Variants in PGM5 observed in about 807,000 individuals in gnomAD.
The protein encoded by PGM5 is phosphoglucomutase 5.
A neutral mutation model predicts 59.2 loss-of-function variants in PGM5; 23 were observed. The observed-to-expected ratio is 0.39, with a 90% CI of 0.28 to 0.55. The LOEUF (loss-of-function observed/expected upper bound fraction) is 0.55. Ranked by LOEUF, PGM5 falls within the 20% of genes least tolerant of loss-of-function variation. PGM5 has a pLI of 0.66. For synonymous variants in PGM5, 214 were observed against 286.0 expected, an observed-to-expected ratio of 0.75 and a Z score of 2.54; for missense variants, 574 against 748.3, an observed-to-expected ratio of 0.77 and a Z score of 2.72.
At chr9:68,452,601 T>G (rs1385225188) in intron 6 of PGM5, among the ~76,000 whole-genome samples, 2 of 152,178 alleles carry the variant, frequency 1.3e-5, no homozygotes, top group African/African-American at 4.8e-5. Context: ...TCCCATCTCC[T>G]TCCTCTTCCC....
At chr9:68,479,832 G>A (rs907907353) in intron 8 of PGM5, among the ~76,000 whole-genome samples, 16 of 151,424 alleles carry the variant, frequency 1.1e-4, no homozygotes, top group Non-Finnish European at 3.0e-5. Context: ...TACTTGGGAG[G>A]CTGAGGCAGG....
chr9:68,462,484 G>C (rs1191847378), intron 6 of PGM5, among the ~76,000 whole-genome samples: 6 of 152,084 alleles, frequency 3.9e-5, no homozygotes, highest in African/African-American at 1.4e-4. Context: ...TTGTTATTTT[G>C]GCTTGGATAG....
Position 68,522,058 on chromosome 9 carries a change from C to T in PGM5, c.1615-7509C>T, listed in dbSNP as rs1010733914. ...TCACCTGAGGTCTGGAGTTCAAGGC[C>T]GGCCTGGCCCACATGGAGAAATCCT... On this transcript the variant is annotated intron_variant, in intron 10 of 10. Coordinates refer to ENST00000396396, the MANE Select transcript of PGM5 (RefSeq NM_021965.4). Among the ~76,000 whole-genome samples, 20 of 152,246 alleles carry T rather than the reference C, an allele frequency of 1.3e-4. 1 individual carries two copies. In the East Asian group the frequency reaches 2.9e-3, roughly 22 times the overall value.
At chr9:68,507,058 A>G (rs1250714881) in intron 10 of PGM5, among the ~76,000 whole-genome samples, 1 of 152,240 alleles carries the variant, frequency 6.6e-6, no homozygotes, top group African/African-American at 2.4e-5. Flanking sequence ...CTGAGCAAGG[A>G]TATATTAATA....
intron 10 of PGM5, among the ~76,000 whole-genome samples, chr9:68,510,970 A>C (rs1287664844): frequency 5.3e-5 from 8 of 152,220 alleles, no homozygotes; most frequent in African/African-American, 1.9e-4. Flanking sequence ...GAGTTAAGAT[A>C]AAGAAAGTTG....
At chr9:68,396,608 AG>A (rs1355441361) in intron 6 of PGM5, 12 of 152,664 alleles carry the variant, frequency 7.9e-5, no homozygotes, top group Non-Finnish European at 1.8e-4. Flanking sequence ...ACCATTTAAA[AG>A]GATTATTCAT....
At chr9:68,523,313 C>G (rs962677155) in intron 10 of PGM5, among the ~76,000 whole-genome samples, 3 of 152,152 alleles carry the variant, frequency 2.0e-5, no homozygotes, top group Non-Finnish European at 4.4e-5. Flanking sequence ...CCTGGACCAA[C>G]AGCATCCTGG....
rs781885162 is a variant in PGM5 at position 68,429,223 on chromosome 9, G to A, written c.1044-35870G>A. 7 of 152,256 alleles carry A rather than the reference G, an allele frequency of 4.6e-5. No individual in the cohort carries two copies. The East Asian group carries it at 5.8e-4, about 13-fold the overall frequency. The allele number at this position is 152,256 out of a possible 1,614,324, so 9.4% of individuals were successfully genotyped here. The stretch of plus-strand genomic sequence containing the variant: ...ACTTTTCGTATGTATTAGTTACTAC[G>A]ATTACCATAAAAATCTCAAGAAAAT... On this transcript the variant is annotated intron_variant, in intron 6 of 10. Transcript: ENST00000396396.
chr9:68,508,968 T>C (rs570744235), intron 10 of PGM5, among the ~76,000 whole-genome samples: 1 of 152,294 alleles, frequency 6.6e-6, no homozygotes, highest in Admixed American at 6.5e-5. Flanking sequence ...AACCTGGAGG[T>C]TGCCTGTGGC....
intron 6 of PGM5, among the ~76,000 whole-genome samples, chr9:68,411,442 T>C (rs1445224483): frequency 7.0e-6 from 1 of 142,728 alleles, no homozygotes; most frequent in Non-Finnish European, 1.5e-5. Flanking sequence ...TATACACATA[T>C]ATGTAGTGTG....
chr9:68,373,652 T>C (rs1313327283), intron 1 of PGM5, among the ~76,000 whole-genome samples: 3 of 152,202 alleles, frequency 2.0e-5, no homozygotes, highest in Admixed American at 6.5e-5. Flanking sequence ...CTGTCGTTTA[T>C]GTTTCTTTCG....
In PGM5 at chr9:68,357,145, C is replaced by A. The variant is rs1248549293; in HGVS notation, c.18C>A (p.Ile6=). The A allele has an allele frequency of 1.2e-5, 19 of 1,531,182 alleles. No individual in the cohort carries two copies. Among genetic ancestry groups the A allele is most frequent in the Non-Finnish European group, 1.6e-5 (18 of 1,143,668 alleles). The allele number at this position is 1,531,182 out of a possible 1,614,324, so 94.8% of individuals were successfully genotyped here. A position where few individuals can be genotyped will look rare whatever the true frequency, so the allele number is the denominator to read the frequency against. MEGSP[I]PVLTVPTAPY... ...GAGGCGCCATGGAGGGGAGCCCCATCCCGGTGCTGACAGTGCCCACCGCGC... is the reference window on the plus strand; with the variant it reads ...GAGGCGCCATGGAGGGGAGCCCCATACCGGTGCTGACAGTGCCCACCGCGC... Residue 6 remains isoleucine (I), a synonymous_variant, in exon 1 of 11, where the codon ATC becomes ATA. Transcript: ENST00000396396.
In PGM5 at chr9:68,479,894, G is replaced by A. The variant is rs999804897; in HGVS notation, c.1295+341G>A. On this transcript the variant is annotated intron_variant, in intron 8 of 10. Transcript: ENST00000396396. ...GCCGAGATCCCGCCACTGCACTCCA[G>A]CCTGGGCGACAGAGCGAGACTCCGT... Among the ~76,000 whole-genome samples the A allele has an allele frequency of 2.0e-5, 3 of 148,638 alleles. No individual in the cohort carries two copies. The South Asian group carries it at 6.4e-4, about 32-fold the overall frequency.
chr9:68,367,299 C>A (rs1395846649), intron 1 of PGM5, among the ~76,000 whole-genome samples: 34 of 131,008 alleles, frequency 2.6e-4, no homozygotes, highest in East Asian at 1.7e-3. Context: ...TAAGAGCAAA[C>A]CCTCTCCCCT....
chr9:68,463,936 G>A (rs1393283017), intron 6 of PGM5, among the ~76,000 whole-genome samples: 1 of 152,078 alleles, frequency 6.6e-6, no homozygotes, highest in African/African-American at 2.4e-5. Context: ...CTCAACTTAC[G>A]ATGGGATTGT....
At chr9:68,458,213 G>A (rs984780673) in intron 6 of PGM5, among the ~76,000 whole-genome samples, 2 of 151,858 alleles carry the variant, frequency 1.3e-5, no homozygotes, top group African/African-American at 4.8e-5. Context: ...ATTTCCTAAA[G>A]CCAAGTTTTT....
intron 1 of PGM5, among the ~76,000 whole-genome samples, chr9:68,371,370 G>T (rs1821724582): frequency 6.6e-6 from 1 of 152,166 alleles, no homozygotes; most frequent in Non-Finnish European, 1.5e-5. Flanking sequence ...TCTTTTCCTT[G>T]CAAGGTAGCG....
chr9:68,382,581 C>A (rs1487133778), intron 2 of PGM5, among the ~76,000 whole-genome samples: 1 of 151,698 alleles, frequency 6.6e-6, no homozygotes, highest in African/African-American at 2.4e-5. Context: ...ACTTTAAAAT[C>A]TCTGGGTATT....
intron 6 of PGM5, among the ~76,000 whole-genome samples, chr9:68,421,362 G>A (rs1225961577): frequency 6.6e-6 from 1 of 152,090 alleles, no homozygotes; most frequent in Non-Finnish European, 1.5e-5. Context: ...CTTCTGTTTG[G>A]TGTCTGAGCT....
Sources: allele counts gnomAD v4.1 joint callset (sites outside exome capture counted in the v4.1 genomes callset), GRCh38; gene constraint gnomAD v4.1.1; transcripts MANE v1.5; gene names NCBI Gene and HGNC (gene_info 2026-07-23, HGNC 2026-07-21).